SAMMSON: variants seen among roughly 807,000 people sequenced by gnomAD.
The protein encoded by SAMMSON is long intergenic non-protein coding RNA 1212.
At chr3:70,135,747 G>C (rs2067503249) in intron 4 of SAMMSON, among the ~76,000 whole-genome samples, 1 of 152,008 alleles carries the variant, frequency 6.6e-6, no homozygotes, top group Non-Finnish European at 1.5e-5. Context: ...GTAATAACCT[G>C]ATATTTTACC....
chr3:70,271,622 T>G (rs1162152848), intron 6 of SAMMSON, among the ~76,000 whole-genome samples: 1 of 152,170 alleles, frequency 6.6e-6, no homozygotes, highest in African/African-American at 2.4e-5. Context: ...GCCAAAACAA[T>G]AGACCCAGCT....
chr3:70,267,583 T>TTG lies in SAMMSON; in HGVS notation n.674+17914_674+17915insGT, dbSNP rs1193012210. On this transcript the variant is annotated intron_variant and non_coding_transcript_variant, in intron 6 of 9. Transcript: ENST00000642114. The stretch of plus-strand genomic sequence containing the variant: ...ATGCCCGGCTAATTTTTTGTATTTT[T>TTG]TTTTTTTTTTTTTTAGTAAAGACGG... Among the ~76,000 whole-genome samples, 54 of 146,788 alleles carry TTG rather than the reference T, an allele frequency of 3.7e-4. 1 individual carries two copies. The highest frequency in any genetic ancestry group is 3.4e-3 in the Middle Eastern group (1 of 290).
intron 2 of SAMMSON, among the ~76,000 whole-genome samples, chr3:70,409,085 A>G (rs890143272): frequency 5.9e-5 from 9 of 152,144 alleles, no homozygotes; most frequent in Admixed American, 3.9e-4. Context: ...GATTCAAATT[A>G]TCTCCCACCT....
chr3:70,263,657 T>A (rs891165002), intron 6 of SAMMSON, among the ~76,000 whole-genome samples: 1 of 152,222 alleles, frequency 6.6e-6, no homozygotes, highest in Non-Finnish European at 1.5e-5. Context: ...AAGGGAGCCC[T>A]ACGCAAATTT....
chr3:70,391,148 T>C (rs1274573931), downstream of SAMMSON, among the ~76,000 whole-genome samples: 1 of 152,164 alleles, frequency 6.6e-6, no homozygotes, highest in Non-Finnish European at 1.5e-5. Context: ...GCCCTAGGAA[T>C]TACATATGTT....
chr3:70,243,919 TA>T, intron 4 of SAMMSON, among the ~76,000 whole-genome samples: 2 of 152,234 alleles, frequency 1.3e-5, no homozygotes, highest in South Asian at 4.2e-4. Context: ...TTTCCTAGAG[TA>T]AGTAACAGAG....
At chr3:70,180,027 TGC>T (rs756599058) in intron 4 of SAMMSON, among the ~76,000 whole-genome samples, 1 of 99,232 alleles carries the variant, frequency 1.0e-5, no homozygotes, top group African/African-American at 3.8e-5. Context: ...TGTGTGTGTG[TGC>T]GCGCACGTGT....
intron 9 of SAMMSON, among the ~76,000 whole-genome samples, chr3:70,382,291 C>CT (rs1277795494): frequency 6.6e-6 from 1 of 152,020 alleles, no homozygotes; most frequent in Non-Finnish European, 1.5e-5. Flanking sequence ...TCTCTTAATT[C>CT]TTAACAGTAT....
intron 7 of SAMMSON, among the ~76,000 whole-genome samples, chr3:70,317,838 G>C (rs1702505856): frequency 1.3e-5 from 2 of 151,476 alleles, no homozygotes; most frequent in Admixed American, 6.6e-5. Context: ...TGGATATCCT[G>C]GTGACAAACC....
chr3:70,045,343 C>T (rs1303374102), intron 3 of SAMMSON, among the ~76,000 whole-genome samples: 1 of 150,304 alleles, frequency 6.7e-6, no homozygotes, highest in Non-Finnish European at 1.5e-5. Flanking sequence ...AATTTAGAAG[C>T]AAATGGAGGA....
rs35643960 is a variant in SAMMSON at position 70,318,462 on chromosome 3, T to TTGTG, written n.739+27234_739+27237dup. On this transcript the variant is annotated intron_variant and non_coding_transcript_variant, in intron 7 of 9. Coordinates refer to ENST00000642114, the Ensembl canonical transcript of SAMMSON. ...CACTTTCAGTGTGAGAATTAACATTTTGTGTGTGTGTGTGTGTGAGTGTGT... is the reference window on the plus strand; with the variant it reads ...CACTTTCAGTGTGAGAATTAACATTTTGTGTGTGTGTGTGTGTGTGTGAGTGTGT... Among the ~76,000 whole-genome samples, 1,166 of 150,068 alleles carry TTGTG rather than the reference T, an allele frequency of 7.8e-3. 8 individuals are homozygous for TTGTG. The highest frequency in any genetic ancestry group is 0.026 in the African/African-American group (1,060 of 41,026).
rs1367490784 is a variant in SAMMSON, at chr3:70,295,532, G to A, written n.739+4289G>A. ...GGCCTGGGAAACATAGTGAGATCCCGTCTCTACAAAAAAGTTAAAAATGAG... is the reference window on the plus strand; with the variant it reads ...GGCCTGGGAAACATAGTGAGATCCCATCTCTACAAAAAAGTTAAAAATGAG... On this transcript the variant is annotated intron_variant and non_coding_transcript_variant, in intron 7 of 9. Coordinates refer to ENST00000642114, the Ensembl canonical transcript of SAMMSON. 4.0e-5 allele frequency among the ~76,000 whole-genome samples: 6 copies of A among 151,858 alleles called. No homozygotes were observed. The East Asian group carries it at 9.7e-4, about 25-fold the overall frequency.
chr3:70,120,977 G>GAT (rs2067430603), intron 4 of SAMMSON, among the ~76,000 whole-genome samples: 1 of 152,142 alleles, frequency 6.6e-6, no homozygotes, highest in Non-Finnish European at 1.5e-5. Context: ...CCATTATGTA[G>GAT]AATCAGAGGG....
intron 4 of SAMMSON, among the ~76,000 whole-genome samples, chr3:70,165,600 T>C (rs1210324872): frequency 6.6e-6 from 1 of 151,980 alleles, no homozygotes; most frequent in African/African-American, 2.4e-5. Flanking sequence ...TATTTTGTCA[T>C]AGTACTCCCA....
intron 3 of SAMMSON, among the ~76,000 whole-genome samples, chr3:70,066,365 G>C (rs1189972485): frequency 2.6e-5 from 4 of 151,934 alleles, no homozygotes. Flanking sequence ...CTTTTTTCAA[G>C]GGTCTGTACC....
At chr3:70,129,553 T>C (rs1350304014) in intron 4 of SAMMSON, among the ~76,000 whole-genome samples, 1 of 152,198 alleles carries the variant, frequency 6.6e-6, no homozygotes, top group Non-Finnish European at 1.5e-5. Flanking sequence ...TACAAAGGGA[T>C]TGAATCTTAT....
chr3:70,266,359 G>T (rs1701917123), intron 6 of SAMMSON, among the ~76,000 whole-genome samples: 1 of 151,704 alleles, frequency 6.6e-6, no homozygotes, highest in Non-Finnish European at 1.5e-5. Context: ...TAAACATTTT[G>T]GGGCAACTGT....
intron 4 of SAMMSON, among the ~76,000 whole-genome samples, chr3:70,076,932 A>G (rs74480767): frequency 2.0e-5 from 3 of 152,140 alleles, no homozygotes; most frequent in East Asian, 1.9e-4. Context: ...CAAAATACAG[A>G]TATGTTGTTA....
intron 9 of SAMMSON, among the ~76,000 whole-genome samples, chr3:70,374,688 T>C (rs542819838): frequency 2.0e-5 from 3 of 152,242 alleles, no homozygotes; most frequent in Non-Finnish European, 4.4e-5. Context: ...AAGTCCTGGC[T>C]CCCTTCTCTA....
Sources: allele counts gnomAD v4.1 joint callset (sites outside exome capture counted in the v4.1 genomes callset), GRCh38; gene constraint gnomAD v4.1.1; transcripts MANE v1.5; gene names NCBI Gene and HGNC (gene_info 2026-07-23, HGNC 2026-07-21).